BBOX1: variants seen among roughly 807,000 people sequenced by gnomAD.
BBOX1 encodes gamma-butyrobetaine hydroxylase 1.
In BBOX1, 35 loss-of-function variants were observed where a neutral mutation model predicts 41.6. The observed-to-expected ratio is 0.84, with a 90% confidence interval of 0.64 to 1.11. The LOEUF (loss-of-function observed/expected upper bound fraction) is 1.11. Ranked by LOEUF, BBOX1 falls within the 50% of genes most tolerant of loss-of-function variation. The pLI is 0.00. For synonymous variants in BBOX1, 163 were observed against 154.7 expected (o/e 1.05, Z -0.40); for missense variants, 458 against 460.6 (o/e 0.99, Z 0.05).
intron 5 of BBOX1, among the ~76,000 whole-genome samples, chr11:27,109,455 A>G (rs2134081356): frequency 6.6e-6 from 1 of 152,188 alleles, no homozygotes; most frequent in South Asian, 2.1e-4. Context: ...TTTGAACCTA[A>G]AGACCAAGAC....
At chr11:27,083,023 T>C (rs1857906105) in intron 4 of BBOX1, among the ~76,000 whole-genome samples, 1 of 152,248 alleles carries the variant, frequency 6.6e-6, no homozygotes, top group East Asian at 1.9e-4. Context: ...TGTCTCTCCT[T>C]TCAAGCAGGT....
chr11:27,065,476 G>A (rs1857255120), intron 4 of BBOX1, among the ~76,000 whole-genome samples: 1 of 152,110 alleles, frequency 6.6e-6, no homozygotes, highest in South Asian at 2.1e-4. Context: ...GCAAGATGGG[G>A]CTGCCCTTGT....
intron 7 of BBOX1, among the ~76,000 whole-genome samples, chr11:27,124,481 G>A (rs1052706052): frequency 6.6e-6 from 1 of 152,106 alleles, no homozygotes; most frequent in Non-Finnish European, 1.5e-5. Flanking sequence ...AACCACCAAA[G>A]CTCAAATCTA....
At chr11:27,102,046 TG>T (rs35655267) in intron 5 of BBOX1, among the ~76,000 whole-genome samples, 92,074 of 151,836 alleles carry the variant, frequency 0.61, 30,121 homozygotes, top group East Asian at 0.94. Flanking sequence ...TTACTAAGAA[TG>T]GACTTCAGAC....
intron 2 of BBOX1, among the ~76,000 whole-genome samples, chr11:27,047,681 C>T (rs1374671382): frequency 6.6e-6 from 1 of 152,100 alleles, no homozygotes; most frequent in Non-Finnish European, 1.5e-5. Context: ...CTTATTCCTA[C>T]AAGAACCTAA....
At position 27,125,680 on chromosome 11, in the gene BBOX1, G is replaced by C. The variant is rs202026071; in HGVS notation, c.863G>C (p.Arg288Pro). Residue 288 changes from arginine (R) to proline (P), a missense_variant, in exon 8 of 9, where the codon CGC becomes CCC. Coordinates refer to ENST00000263182, the MANE Select transcript of BBOX1 (RefSeq NM_003986.3). ...TTAGATGATAAAGGCCAAGTGGTTC[G>C]CATCAACTTCAATAACGCAACTAGG... ...IELDDKGQVVRINFNNATRDT... is the reference protein window; with the variant it reads ...IELDDKGQVVPINFNNATRDT... The C allele has an allele frequency of 5.0e-6, 8 of 1,585,512 alleles. No individual in the cohort carries two copies. Among genetic ancestry groups the C allele is most frequent in the Non-Finnish European group, 6.0e-6 (7 of 1,165,354 alleles).
chr11:27,079,886 T>C (rs942476219), intron 4 of BBOX1, among the ~76,000 whole-genome samples: 6 of 152,110 alleles, frequency 3.9e-5, no homozygotes, highest in African/African-American at 1.4e-4. Flanking sequence ...ATCCAACTTA[T>C]TAGAAAGTTA....
At chr11:27,095,106 C>T (rs1858390162) in intron 5 of BBOX1, among the ~76,000 whole-genome samples, 1 of 151,968 alleles carries the variant, frequency 6.6e-6, no homozygotes, top group South Asian at 2.1e-4. Flanking sequence ...TATGGACTTT[C>T]TGCTCTACCT....
chr11:27,085,563 C>A (rs886634761), intron 4 of BBOX1, among the ~76,000 whole-genome samples: 18 of 150,060 alleles, frequency 1.2e-4, no homozygotes, highest in African/African-American at 4.2e-4. Flanking sequence ...CCATCTCTCT[C>A]TCTCTCTCTC....
At chr11:27,066,268 T>A (rs1257614934) in intron 4 of BBOX1, among the ~76,000 whole-genome samples, 5 of 152,166 alleles carry the variant, frequency 3.3e-5, no homozygotes, top group South Asian at 4.1e-4. Context: ...GGAATAAGTT[T>A]TATAACATTG....
At chr11:27,058,994 T>C (rs1036610036) in intron 4 of BBOX1, among the ~76,000 whole-genome samples, 5 of 152,202 alleles carry the variant, frequency 3.3e-5, no homozygotes, top group African/African-American at 1.2e-4. Flanking sequence ...AAGAAGCCAG[T>C]GCTAATAGCC....
chr11:27,109,789 G>A (rs187010896), intron 5 of BBOX1, among the ~76,000 whole-genome samples: 33 of 152,014 alleles, frequency 2.2e-4, no homozygotes, highest in Non-Finnish European at 1.0e-4. Flanking sequence ...GGTTTTCCTG[G>A]TTGTAGTACA....
intron 4 of BBOX1, among the ~76,000 whole-genome samples, chr11:27,060,399 C>G (rs1857102862): frequency 6.6e-6 from 1 of 152,100 alleles, no homozygotes; most frequent in African/African-American, 2.4e-5. Context: ...TCCTATAAAG[C>G]CTGTAGAACA....
chr11:27,124,668 AC>A (rs1388941562), intron 7 of BBOX1, among the ~76,000 whole-genome samples: 6 of 152,108 alleles, frequency 3.9e-5, no homozygotes, highest in Non-Finnish European at 8.8e-5. Context: ...AGCATGGGCC[AC>A]CATGCCCAGC....
chr11:27,047,493 CT>C (rs1489211499), intron 2 of BBOX1, among the ~76,000 whole-genome samples: 1 of 152,072 alleles, frequency 6.6e-6, no homozygotes, highest in Non-Finnish European at 1.5e-5. Flanking sequence ...AAATGCACCC[CT>C]GGACTGGGTA....
At chr11:27,079,779 C>T (rs996368632) in intron 4 of BBOX1, among the ~76,000 whole-genome samples, 11 of 152,102 alleles carry the variant, frequency 7.2e-5, no homozygotes, top group Admixed American at 6.6e-4. Context: ...ATTAATTCTG[C>T]TCCACATACA....
intron 2 of BBOX1, among the ~76,000 whole-genome samples, chr11:27,046,564 C>G (rs1360019851): frequency 6.6e-6 from 1 of 152,000 alleles, no homozygotes; most frequent in Non-Finnish European, 1.5e-5. Flanking sequence ...ACTACTGTTT[C>G]CCACCAAAAC....
At chr11:27,093,397 T>C in intron 5 of BBOX1, 31 bp downstream of exon 5, 2 of 1,605,034 alleles carry the variant, frequency 1.2e-6, no homozygotes, top group African/African-American at 1.3e-5. Context: ...TATTCTGCCA[T>C]CACAGATAAG....
At chr11:27,113,909 A>G (rs1859167592) in intron 5 of BBOX1, among the ~76,000 whole-genome samples, 1 of 151,798 alleles carries the variant, frequency 6.6e-6, no homozygotes, top group South Asian at 2.1e-4. Context: ...TTCCAGCCAG[A>G]GCGATTAGAC....
Sources: allele counts gnomAD v4.1 joint callset (sites outside exome capture counted in the v4.1 genomes callset), GRCh38; gene constraint gnomAD v4.1.1; transcripts MANE v1.5; gene names NCBI Gene and HGNC (gene_info 2026-07-23, HGNC 2026-07-21).